Variants in RNFT2 observed in about 807,000 individuals in gnomAD.
RNFT2 encodes E3 ubiquitin-protein ligase RNFT2.
In RNFT2, 36 loss-of-function variants were observed where a neutral mutation model predicts 53.0. The observed-to-expected ratio is 0.68, with a 90% CI of 0.52 to 0.90. The LOEUF is 0.90. RNFT2 is among the 40% of genes least tolerant of loss of function. The pLI, the probability that RNFT2 is intolerant of heterozygous loss-of-function variation, is 0.00. For synonymous variants in RNFT2, 260 were observed against 253.2 expected (o/e 1.03, Z -0.26); for missense variants, 514 against 585.6 (o/e 0.88, Z 1.26).
At chr12:116,848,213 A>G (rs1414051924) in intron 10 of RNFT2, among the ~76,000 whole-genome samples, 4 of 152,114 alleles carry the variant, frequency 2.6e-5, no homozygotes, top group African/African-American at 9.7e-5. Context: ...TCCATGGTGT[A>G]TATGTACCAC....
At chr12:116,777,662 C>T (rs181696507) in intron 6 of RNFT2, among the ~76,000 whole-genome samples, 5 of 152,306 alleles carry the variant, frequency 3.3e-5, no homozygotes, top group South Asian at 2.1e-4. Context: ...GATAAAAGTA[C>T]CTGCCTCATA....
chr12:116,825,791 A>C (rs1876297776), intron 7 of RNFT2, among the ~76,000 whole-genome samples: 1 of 152,186 alleles, frequency 6.6e-6, no homozygotes, highest in Non-Finnish European at 1.5e-5. Context: ...TTACAGATGA[A>C]GAAACTGAGG....
At chr12:116,795,356 C>T (rs1592963139) in intron 7 of RNFT2, among the ~76,000 whole-genome samples, 2 of 150,994 alleles carry the variant, frequency 1.3e-5, no homozygotes, top group Non-Finnish European at 2.9e-5. Flanking sequence ...TGCAGTGAGC[C>T]GAGGTCACAC....
intron 7 of RNFT2, among the ~76,000 whole-genome samples, chr12:116,814,892 GC>G (rs1375326259): frequency 1.3e-5 from 2 of 152,054 alleles, no homozygotes; most frequent in African/African-American, 4.8e-5. Flanking sequence ...GTGCAAGCAT[GC>G]CCAGCTAAAT....
At chr12:116,795,042 T>C (rs920703785) in intron 7 of RNFT2, among the ~76,000 whole-genome samples, 3 of 151,990 alleles carry the variant, frequency 2.0e-5, no homozygotes, top group Admixed American at 2.0e-4. Flanking sequence ...CATAGAAATA[T>C]ATCATATACT....
rs1876811949 is a variant in RNFT2, at chr12:116,833,808, T to G, written c.899T>G (p.Val300Gly). Residue 300 changes from valine to glycine, a missense_variant, in exon 8 of 11, where the codon GTC becomes GGC. By Grantham distance (109) the Val-to-Gly change is moderately radical. Coordinates refer to ENST00000257575, the MANE Select transcript of RNFT2 (RefSeq NM_001382266.1). ...AVKSKGKFYL[V>G]IEELSQLFRS... ...TGGTTGCAGGGAAAGTTCTATCTGGTCATCGAGGAGCTGAGCCAGCTGTTC... is the reference window on the plus strand; with the variant it reads ...TGGTTGCAGGGAAAGTTCTATCTGGGCATCGAGGAGCTGAGCCAGCTGTTC... The G allele has an allele frequency of 6.2e-7, 1 of 1,613,108 alleles. No homozygotes were observed. Among genetic ancestry groups the G allele is most frequent in the Non-Finnish European group, 8.5e-7 (1 of 1,179,544 alleles).
At chr12:116,763,778 C>CAA (rs1309436988) in intron 5 of RNFT2, among the ~76,000 whole-genome samples, 3 of 98,648 alleles carry the variant, frequency 3.0e-5, no homozygotes. Context: ...GACTCCATCT[C>CAA]AAAAAAAAAA....
chr12:116,825,250 A>C (rs1876267070), intron 7 of RNFT2, among the ~76,000 whole-genome samples: 1 of 152,174 alleles, frequency 6.6e-6, no homozygotes, highest in Non-Finnish European at 1.5e-5. Flanking sequence ...TGGGCTTCCC[A>C]CAAACATGGT....
intron 7 of RNFT2, among the ~76,000 whole-genome samples, chr12:116,783,807 A>C (rs1873813978): frequency 1.3e-5 from 2 of 152,254 alleles, no homozygotes; most frequent in Admixed American, 6.5e-5. Context: ...GTGACACTTG[A>C]GAACAGATTG....
chr12:116,806,902 T>C (rs947953254), intron 7 of RNFT2, among the ~76,000 whole-genome samples: 1 of 152,198 alleles, frequency 6.6e-6, no homozygotes, highest in Non-Finnish European at 1.5e-5. Context: ...TGAATGTACT[T>C]CTGGATTCCG....
intron 4 of RNFT2, among the ~76,000 whole-genome samples, chr12:116,751,871 G>A (rs1027710421): frequency 6.0e-5 from 9 of 150,994 alleles, no homozygotes; most frequent in African/African-American, 9.7e-5. Context: ...GTGATTCTCA[G>A]CCCTAACCTC....
At chr12:116,846,209 T>C (rs1463958128) in intron 10 of RNFT2, among the ~76,000 whole-genome samples, 1 of 152,228 alleles carries the variant, frequency 6.6e-6, no homozygotes, top group Non-Finnish European at 1.5e-5. Context: ...ATTACTATCA[T>C]AATAGCTAAT....
intron 7 of RNFT2, among the ~76,000 whole-genome samples, chr12:116,797,048 T>C (rs114460273): frequency 0.039 from 5,887 of 152,228 alleles, 178 homozygotes; most frequent in African/African-American, 0.075. Flanking sequence ...AGGACAGCCC[T>C]CTACTGCAAC....
intron 2 of RNFT2, 134 bp from the exon 3 acceptor site, chr12:116,740,902 C>A: frequency 1.4e-6 from 1 of 734,510 alleles, no homozygotes. Flanking sequence ...TTGAAACATA[C>A]TTTGGAAAAT....
intron 6 of RNFT2, among the ~76,000 whole-genome samples, chr12:116,767,882 A>G (rs1872987181): frequency 6.6e-6 from 1 of 151,960 alleles, no homozygotes; most frequent in Admixed American, 6.6e-5. Context: ...CTGGTTTTAC[A>G]TTCTTTTTTC....
intron 7 of RNFT2, among the ~76,000 whole-genome samples, chr12:116,793,074 C>G (rs894438786): frequency 3.9e-5 from 6 of 152,034 alleles, no homozygotes; most frequent in African/African-American, 1.4e-4. Context: ...CATACCTGGG[C>G]CTTCTAGGAG....
At chr12:116,847,416 T>G (rs1198451513) in intron 10 of RNFT2, among the ~76,000 whole-genome samples, 2 of 152,140 alleles carry the variant, frequency 1.3e-5, no homozygotes, top group African/African-American at 4.8e-5. Context: ...CTATCCCCAT[T>G]TTACAGATGG....
chr12:116,822,799 C>G (rs371348401), intron 7 of RNFT2, among the ~76,000 whole-genome samples: 80 of 152,100 alleles, frequency 5.3e-4, no homozygotes, highest in African/African-American at 1.7e-3. Flanking sequence ...GAGTTCGAGA[C>G]CAGCCTGGCC....
At chr12:116,828,883 G>A (rs1365753361) in intron 7 of RNFT2, among the ~76,000 whole-genome samples, 1 of 152,068 alleles carries the variant, frequency 6.6e-6, no homozygotes, top group Non-Finnish European at 1.5e-5. Flanking sequence ...GCTCACATCT[G>A]TAGTCCCTAC....
Sources: gnomAD v4.1 joint callset for allele counts (sites outside exome capture counted in the v4.1 genomes callset) on GRCh38, gnomAD v4.1.1 for gene constraint, MANE v1.5 for transcripts, NCBI Gene and HGNC (gene_info 2026-07-23, HGNC 2026-07-21) for gene names.